The following ANKRD13C variants were observed in gnomAD, a reference collection of about 807,000 sequenced individuals.
ANKRD13C encodes the protein ankyrin repeat domain 13C.
In ANKRD13C, 16 loss-of-function variants were observed where a neutral mutation model predicts 65.5. That is an observed-to-expected ratio of 0.24 (90% confidence interval 0.17 to 0.37). ANKRD13C has a LOEUF of 0.37. ANKRD13C is among the 10% of genes least tolerant of loss of function. ANKRD13C has a pLI of 1.00. For missense variants in ANKRD13C, 503 were observed against 655.9 expected, an observed-to-expected ratio of 0.77 and a Z score of 2.55; for synonymous variants, 235 against 238.7, an observed-to-expected ratio of 0.98 and a Z score of 0.14.
chr1:70,280,081 G>C (rs1308073623), intron 9 of ANKRD13C, among the ~76,000 whole-genome samples: 1 of 152,168 alleles, frequency 6.6e-6, no homozygotes, highest in Non-Finnish European at 1.5e-5. Flanking sequence ...AGTAGCAGCC[G>C]AGGGATGTGG....
intron 9 of ANKRD13C, among the ~76,000 whole-genome samples, chr1:70,290,470 A>T (rs1388291249): frequency 6.6e-6 from 1 of 152,008 alleles, no homozygotes; most frequent in East Asian, 1.9e-4. Context: ...CAACACACAC[A>T]ATCTTGAAAC....
intron 5 of ANKRD13C, among the ~76,000 whole-genome samples, chr1:70,311,876 A>G (rs1262387667): frequency 6.6e-6 from 1 of 152,204 alleles, no homozygotes; most frequent in Non-Finnish European, 1.5e-5. Context: ...CACAAGCTGT[A>G]ATGTACATAA....
chr1:70,264,475 CAAAAAAAAAAAAAAA>C (rs57312096), intron 12 of ANKRD13C, among the ~76,000 whole-genome samples: 1 of 48,930 alleles, frequency 2.0e-5, no homozygotes, highest in Non-Finnish European at 4.1e-5. Context: ...GACTCTATCT[CAAAAAAAAAAAAAAA>C]AAAAAAAAAA....
rs1678424336 is a variant in ANKRD13C at position 70,262,434 on chromosome 1, C to G, written c.*283G>C. On this transcript the variant is annotated 3_prime_UTR_variant, in exon 13 of 13. Coordinates refer to ENST00000370944, the MANE Select transcript of ANKRD13C (RefSeq NM_030816.5). The stretch of plus-strand genomic sequence containing the variant: ...TGTAAAAATTTTTAAAAACAAATCA[C>G]AGCACTCATAGCTGCTTCACATACG... 1 of 179,438 alleles carries G rather than the reference C, an allele frequency of 5.6e-6. No homozygotes were observed. Among genetic ancestry groups the G allele is most frequent in the African/African-American group, 2.4e-5 (1 of 42,340 alleles). 11.1% of individuals were successfully genotyped at this position (179,438 alleles called of 1,614,324 possible). A position where few individuals can be genotyped will look rare whatever the true frequency, so the allele number is the denominator to read the frequency against.
chr1:70,285,528 T>A (rs1679583415), intron 9 of ANKRD13C, among the ~76,000 whole-genome samples: 1 of 152,112 alleles, frequency 6.6e-6, no homozygotes, highest in Non-Finnish European at 1.5e-5. Context: ...TTTTCAAATC[T>A]AGTTCACCAT....
chr1:70,322,916 C>T (rs767834612), intron 3 of ANKRD13C, among the ~76,000 whole-genome samples: 1 of 151,914 alleles, frequency 6.6e-6, no homozygotes, highest in Non-Finnish European at 1.5e-5. Context: ...TGCTTCAACC[C>T]GGGAGGCAGA....
intron 5 of ANKRD13C, among the ~76,000 whole-genome samples, chr1:70,312,918 T>G (rs1680910471): frequency 6.6e-6 from 1 of 152,076 alleles, no homozygotes; most frequent in African/African-American, 2.4e-5. Flanking sequence ...CAAAAAAATC[T>G]AGGGCAAAAT....
intron 1 of ANKRD13C, among the ~76,000 whole-genome samples, chr1:70,349,034 AT>A (rs1682641195): frequency 6.6e-6 from 1 of 152,222 alleles, no homozygotes; most frequent in Non-Finnish European, 1.5e-5. Context: ...TCTTAAAGAC[AT>A]TTAACTCAAA....
At chr1:70,316,022 T>G (rs920302065) in intron 3 of ANKRD13C, among the ~76,000 whole-genome samples, 3 of 152,212 alleles carry the variant, frequency 2.0e-5, no homozygotes, top group African/African-American at 7.2e-5. Context: ...AATAGAACAC[T>G]GACCTCAAGG....
At chr1:70,346,333 T>C (rs535716659) in intron 1 of ANKRD13C, among the ~76,000 whole-genome samples, 15 of 152,270 alleles carry the variant, frequency 9.9e-5, no homozygotes, top group African/African-American at 3.4e-4. Context: ...AATTAAAAAT[T>C]AATTTGCATG....
At chr1:70,271,288 T>C (rs1678867492) in intron 11 of ANKRD13C, among the ~76,000 whole-genome samples, 1 of 152,222 alleles carries the variant, frequency 6.6e-6, no homozygotes, top group Non-Finnish European at 1.5e-5. Flanking sequence ...TTCCTTGATT[T>C]CCTGCATATT....
intron 2 of ANKRD13C, among the ~76,000 whole-genome samples, chr1:70,327,003 A>C: frequency 8.6e-6 from 1 of 116,422 alleles, no homozygotes; most frequent in East Asian, 3.6e-4. Flanking sequence ...ATTTAACATA[A>C]TACCCCAGTA....
intron 10 of ANKRD13C, 119 bp downstream of exon 10, chr1:70,276,646 G>C: frequency 1.2e-6 from 1 of 848,190 alleles, no homozygotes; most frequent in Non-Finnish European, 1.8e-6. Context: ...AATTGCTTCA[G>C]TCAAAAATAT....
Position 70,318,267 on chromosome 1 carries a change from T to C in ANKRD13C, c.578-2701A>G, listed in dbSNP as rs141430685. Among the ~76,000 whole-genome samples, 796 of 152,322 alleles carry C rather than the reference T, an allele frequency of 5.2e-3. 5 individuals are homozygous for C. The highest frequency in any genetic ancestry group is 0.018 in the African/African-American group (735 of 41,572). ...AATTAGCTTTAGAGGATTTAGGTGA[T>C]AAAAGAATTCATACAAAGACTCAAA... On this transcript the variant is annotated intron_variant, in intron 3 of 12. Coordinates refer to ENST00000370944, the MANE Select transcript of ANKRD13C (RefSeq NM_030816.5).
At chr1:70,328,751 T>C (rs868571992) in intron 2 of ANKRD13C, among the ~76,000 whole-genome samples, 1 of 152,146 alleles carries the variant, frequency 6.6e-6, no homozygotes, top group African/African-American at 2.4e-5. Context: ...ATAATAAGCA[T>C]AGAGAAATGT....
intron 10 of ANKRD13C, among the ~76,000 whole-genome samples, chr1:70,275,844 C>A (rs1679108096): frequency 1.3e-5 from 2 of 151,258 alleles, no homozygotes; most frequent in Non-Finnish European, 2.9e-5. Context: ...ACCTGTATTC[C>A]CAGCCACTCG....
chr1:70,328,591 G>A (rs1320698270), intron 2 of ANKRD13C, among the ~76,000 whole-genome samples: 1 of 152,152 alleles, frequency 6.6e-6, no homozygotes, highest in African/African-American at 2.4e-5. Context: ...GAACCCTGGA[G>A]GCAGAGGTTG....
intron 2 of ANKRD13C, among the ~76,000 whole-genome samples, chr1:70,328,034 G>T (rs1318641305): frequency 1.3e-5 from 2 of 151,796 alleles, no homozygotes; most frequent in African/African-American, 4.8e-5. Flanking sequence ...CACTGAGCGA[G>T]ACTCCGACTC....
chr1:70,302,150 T>C lies in ANKRD13C; in HGVS notation c.777-1242A>G, dbSNP rs995701643. Reference sequence around the variant, plus strand: ...CATGAAAATAATAACTAGGGTTACATAGAATTTATCATCAAAATTAATAAA... The same window carrying C: ...CATGAAAATAATAACTAGGGTTACACAGAATTTATCATCAAAATTAATAAA... On this transcript the variant is annotated intron_variant, in intron 6 of 12. Coordinates refer to ENST00000370944, the MANE Select transcript of ANKRD13C (RefSeq NM_030816.5). 4.6e-5 allele frequency among the ~76,000 whole-genome samples: 7 copies of C among 152,240 alleles called. No individual in the cohort carries two copies. In the East Asian group the frequency reaches 1.4e-3, roughly 29 times the overall value.
Sources: gnomAD v4.1 joint callset for allele counts (sites outside exome capture counted in the v4.1 genomes callset) on GRCh38, gnomAD v4.1.1 for gene constraint, MANE v1.5 for transcripts, NCBI Gene and HGNC (gene_info 2026-07-23, HGNC 2026-07-21) for gene names.